Variants in ZNF75D observed in about 807,000 individuals in gnomAD.
ZNF75D encodes zinc finger protein 75D.
In ZNF75D, 33 loss-of-function variants were observed where a neutral mutation model predicts 33.3. The ratio of observed to expected loss-of-function variants is 0.99; its 90% confidence interval spans 0.75 to 1.32. The LOEUF is 1.32. Ranked by LOEUF, ZNF75D falls within the 40% of genes most tolerant of loss-of-function variation. ZNF75D has a pLI of 0.00. For missense variants in ZNF75D, 338 were observed against 367.5 expected, an observed-to-expected ratio of 0.92 and a Z score of 0.66; for synonymous variants, 113 against 130.6, an observed-to-expected ratio of 0.87 and a Z score of 0.92.
rs1556422818 is a variant in ZNF75D at position 135,295,936 on chromosome X, C to A, written c.-287G>T. ...AGCGCGGGATGCCTGGCGAGTGAAG[C>A]TCCAAGATGTGGGGAGTCTTGGAAT... On this transcript the variant is annotated 5_prime_UTR_variant, in exon 2 of 7. Transcript: ENST00000370766. 1 of 111,379 alleles carries A rather than the reference C, an allele frequency of 9.0e-6. No individual in the cohort carries two copies. Among genetic ancestry groups the A allele is most frequent in the Admixed American group, 9.5e-5 (1 of 10,547 alleles). 9.2% of individuals were successfully genotyped at this position (111,379 alleles called of 1,213,427 possible).
chrX:135,308,780 T>C (rs782221881), intron 1 of ZNF75D, among the ~76,000 whole-genome samples: 1 of 112,010 alleles, frequency 8.9e-6, no homozygotes, highest in East Asian at 2.8e-4. Flanking sequence ...AGGATGGGCC[T>C]TAGAAACAGA....
chrX:135,338,930 CCTG>C (rs1444856088), intron 1 of ZNF75D, among the ~76,000 whole-genome samples: 1 of 104,052 alleles, frequency 9.6e-6, no homozygotes, highest in Non-Finnish European at 2.0e-5. Flanking sequence ...TCACCTCCCT[CCTG>C]CTATTCTTCC....
At chrX:135,256,292 G>A (rs1417559660) in intron 1 of ZNF75D, among the ~76,000 whole-genome samples, 23 of 92,669 alleles carry the variant, frequency 2.5e-4, no homozygotes, top group Admixed American at 2.3e-3. Context: ...ATCCACCAGC[G>A]TGGAGAGTCT....
intron 1 of ZNF75D, among the ~76,000 whole-genome samples, chrX:135,256,930 G>C (rs1233456875): frequency 1.8e-5 from 2 of 111,465 alleles, no homozygotes; most frequent in African/African-American, 6.5e-5. Context: ...ATGCACACTA[G>C]GCCAGAAGGG....
chrX:135,290,881 T>G, intron 6 of ZNF75D, 128 bp downstream of exon 6: 1 of 636,428 alleles, frequency 1.6e-6, no homozygotes, highest in South Asian at 3.8e-5. Flanking sequence ...TTATTTCCCA[T>G]ACATCATCAA....
chrX:135,293,718 C>T lies in ZNF75D; in HGVS notation c.411+12G>A. ...CTACTTCATTGTACATGTAGGCAAT[C>T]TTTCTTCTTACCTCATTCTTTGTTC... On this transcript the variant is annotated intron_variant, in intron 3 of 6. Transcript: ENST00000370766. 8.6e-7 allele frequency: 1 copy of T among 1,158,262 alleles called. No homozygotes were observed.
At chrX:135,318,993 C>T (rs782447078) in intron 1 of ZNF75D, among the ~76,000 whole-genome samples, 48 of 111,749 alleles carry the variant, frequency 4.3e-4, no homozygotes, top group Non-Finnish European at 7.7e-4. Flanking sequence ...CCAACAGACT[C>T]CTTTTCTCTG....
At position 135,258,322 on chromosome X, in the gene ZNF75D, T is replaced by G. The variant is rs192235428; in HGVS notation, n.828-2545A>C. Among the ~76,000 whole-genome samples, 30 of 110,503 alleles carry G rather than the reference T, an allele frequency of 2.7e-4. No homozygotes were observed. In the Middle Eastern group the frequency reaches 0.014, roughly 52 times the overall value. ...TTGGGTATATACCCAGTAATGTGAT[T>G]ACTGGGTCAAATGGTAATTCTAGTT... On this transcript the variant is annotated intron_variant and non_coding_transcript_variant, in intron 1 of 3. Transcript: ENST00000494295.
intron 1 of ZNF75D, among the ~76,000 whole-genome samples, chrX:135,280,584 G>A (rs782682250): frequency 2.6e-4 from 29 of 111,889 alleles, no homozygotes; most frequent in African/African-American, 9.1e-4. Flanking sequence ...TCATAGTGTC[G>A]ATGGTCTTTA....
intron 1 of ZNF75D, among the ~76,000 whole-genome samples, chrX:135,316,363 T>A (rs782477574): frequency 2.7e-5 from 3 of 111,945 alleles, no homozygotes; most frequent in Non-Finnish European, 5.6e-5. Context: ...CTATAATATA[T>A]CTGTGGGGAA....
chrX:135,262,629 G>T (rs1253181738), intron 1 of ZNF75D, among the ~76,000 whole-genome samples: 1 of 112,020 alleles, frequency 8.9e-6, no homozygotes, highest in African/African-American at 3.2e-5. Context: ...TCATGCCATG[G>T]TTTTCAGCTC....
chrX:135,306,533 T>A (rs2084289248), intron 1 of ZNF75D, among the ~76,000 whole-genome samples: 1 of 111,932 alleles, frequency 8.9e-6, no homozygotes, highest in South Asian at 3.7e-4. Flanking sequence ...TCTTACATAA[T>A]CCTTCGCATT....
chrX:135,283,131 CTT>C (rs1470734886), downstream of ZNF75D, among the ~76,000 whole-genome samples: 1 of 112,029 alleles, frequency 8.9e-6, no homozygotes, highest in Non-Finnish European at 1.9e-5. Flanking sequence ...CCTTCCCTCT[CTT>C]CTTTCCCTGG....
chrX:135,306,330 C>T (rs1027157967), intron 1 of ZNF75D, among the ~76,000 whole-genome samples: 3 of 103,993 alleles, frequency 2.9e-5, no homozygotes, highest in Non-Finnish European at 6.0e-5. Flanking sequence ...CACACACACA[C>T]ACACACGGGA....
At chrX:135,317,776 T>C (rs1197020833) in intron 1 of ZNF75D, among the ~76,000 whole-genome samples, 1 of 110,722 alleles carries the variant, frequency 9.0e-6, no homozygotes, top group African/African-American at 3.3e-5. Context: ...TGTCTGAAGG[T>C]AGGATGAGGA....
At chrX:135,316,517 C>T (rs1208468689) in intron 1 of ZNF75D, among the ~76,000 whole-genome samples, 2 of 111,191 alleles carry the variant, frequency 1.8e-5, no homozygotes, top group Non-Finnish European at 3.8e-5. Context: ...CCCTGGGCTT[C>T]CTGTATGTGA....
chrX:135,338,746 A>T (rs2084747115), intron 1 of ZNF75D, among the ~76,000 whole-genome samples: 1 of 111,616 alleles, frequency 9.0e-6, no homozygotes, highest in Non-Finnish European at 1.9e-5. Flanking sequence ...TTTAAAATAT[A>T]ATCACTTTTA....
intron 1 of ZNF75D, among the ~76,000 whole-genome samples, chrX:135,314,980 TCTTTA>T (rs1465995457): frequency 3.6e-5 from 4 of 112,084 alleles, no homozygotes; most frequent in African/African-American, 1.3e-4. Context: ...AGTTTAAGTT[TCTTTA>T]CTTCTAATTT....
intron 6 of ZNF75D, among the ~76,000 whole-genome samples, chrX:135,290,195 T>TCA (rs2148469720): frequency 8.9e-6 from 1 of 112,402 alleles, no homozygotes; most frequent in Admixed American, 9.4e-5. Context: ...TGAAGTGTCC[T>TCA]CATACTGAAT....
Sources: allele counts gnomAD v4.1 joint callset (sites outside exome capture counted in the v4.1 genomes callset), GRCh38; gene constraint gnomAD v4.1.1; transcripts MANE v1.5; gene names NCBI Gene and HGNC (gene_info 2026-07-23, HGNC 2026-07-21).